Variants in RALY observed in about 807,000 individuals in gnomAD.
RALY encodes the protein RNA-binding protein Raly.
Under a neutral mutation model 30.7 loss-of-function variants are expected in RALY, and 15 were observed. That is an observed-to-expected ratio of 0.49 (90% CI 0.33 to 0.75). The LOEUF (loss-of-function observed/expected upper bound fraction) is 0.75, where lower values mean the gene tolerates loss of function less well. Ranked by LOEUF, RALY falls within the 30% of genes least tolerant of loss-of-function variation. The probability of loss-of-function intolerance (pLI) is 0.02; values close to 1 mark genes in which losing one functional copy is unlikely to be tolerated. For missense variants in RALY, 339 were observed against 414.3 expected (o/e 0.82, Z 1.58); for synonymous variants, 177 against 170.8 (o/e 1.04, Z -0.28).
chr20:33,997,169 G>T (rs2030676206), intron 1 of RALY, among the ~76,000 whole-genome samples: 1 of 152,128 alleles, frequency 6.6e-6, no homozygotes, highest in Non-Finnish European at 1.5e-5. Flanking sequence ...AGGCTGGATT[G>T]CGGTGGCACG....
intron 1 of RALY, among the ~76,000 whole-genome samples, chr20:34,025,782 C>T (rs2032001214): frequency 6.6e-6 from 1 of 152,016 alleles, no homozygotes; most frequent in Non-Finnish European, 1.5e-5. Flanking sequence ...TTCTCTTGTC[C>T]CAGACCGTTT....
intron 2 of RALY, among the ~76,000 whole-genome samples, chr20:34,045,476 T>C (rs1324401821): frequency 6.6e-6 from 1 of 151,904 alleles, no homozygotes; most frequent in East Asian, 1.9e-4. Context: ...GGAGATAAGG[T>C]TGGAGAGTGG....
chr20:34,071,581 G>A (rs970072899), intron 2 of RALY, among the ~76,000 whole-genome samples: 4 of 152,018 alleles, frequency 2.6e-5, no homozygotes, highest in African/African-American at 9.7e-5. Flanking sequence ...CCCGGCCCCT[G>A]CAATTTTCAT....
At chr20:34,001,721 G>A (rs893254326) in intron 1 of RALY, among the ~76,000 whole-genome samples, 4 of 152,056 alleles carry the variant, frequency 2.6e-5, no homozygotes, top group African/African-American at 7.2e-5. Context: ...CTAGATTTGG[G>A]TTTTTTTGGT....
chr20:34,032,775 A>G (rs994365015), intron 2 of RALY, among the ~76,000 whole-genome samples: 4 of 152,186 alleles, frequency 2.6e-5, no homozygotes, highest in African/African-American at 9.6e-5. Flanking sequence ...CAGTCTGACC[A>G]TAAATACCAT....
At chr20:34,072,940 G>A (rs2033770566) in intron 3 of RALY, among the ~76,000 whole-genome samples, 1 of 147,292 alleles carries the variant, frequency 6.8e-6, no homozygotes, top group Non-Finnish European at 1.5e-5. Context: ...GTGTGTGTGT[G>A]TGTGTGTGTG....
intron 1 of RALY, among the ~76,000 whole-genome samples, chr20:34,007,394 G>A (rs1409359744): frequency 2.0e-5 from 3 of 152,056 alleles, no homozygotes; most frequent in African/African-American, 4.8e-5. Flanking sequence ...GGTGGCGGGC[G>A]CCTGTAGTCC....
intron 2 of RALY, among the ~76,000 whole-genome samples, chr20:34,036,937 GTTTTA>G (rs984923845): frequency 1.3e-5 from 2 of 151,756 alleles, no homozygotes; most frequent in African/African-American, 4.8e-5. Context: ...ATTATTTTCT[GTTTTA>G]TTTATTTTGT....
chr20:34,029,481 G>GGAGGGAGGGAGGGAGGGAGGA (rs2032184860), intron 1 of RALY, among the ~76,000 whole-genome samples: 1 of 87,234 alleles, frequency 1.1e-5, no homozygotes, highest in South Asian at 4.2e-4. Flanking sequence ...GGGAGGAAAG[G>GGAGGGAGGGAGGGAGGGAGGA]GAGGGAGGGA....
intron 2 of RALY, among the ~76,000 whole-genome samples, chr20:34,047,159 A>G (rs1171606328): frequency 6.6e-6 from 1 of 152,106 alleles, no homozygotes; most frequent in Non-Finnish European, 1.5e-5. Context: ...CTAGAGCCCT[A>G]AAATTCAACA....
chr20:34,004,116 C>T (rs534463526), intron 1 of RALY, among the ~76,000 whole-genome samples: 31 of 152,200 alleles, frequency 2.0e-4, no homozygotes, highest in African/African-American at 7.2e-4. Context: ...TAGCAAGTAC[C>T]ATAAAGGGGT....
chr20:34,030,152 C>T (rs2123093062), intron 1 of RALY, among the ~76,000 whole-genome samples: 1 of 152,226 alleles, frequency 6.6e-6, no homozygotes, highest in South Asian at 2.1e-4. Flanking sequence ...TGTTTCCTGC[C>T]TTCTGTTTTT....
intron 1 of RALY, among the ~76,000 whole-genome samples, chr20:34,023,830 CTTTGGAGGGGA>C (rs2031920400): frequency 6.6e-6 from 1 of 151,448 alleles, no homozygotes; most frequent in Non-Finnish European, 1.5e-5. Flanking sequence ...TATAGAATAA[CTTTGGAGGGGA>C]CCTCAGTGTG....
Position 33,994,107 on chromosome 20 carries a change from G to A in RALY, c.-117G>A. 1 of 152,556 alleles carries A rather than the reference G, an allele frequency of 6.6e-6. No homozygotes were observed. Among genetic ancestry groups the A allele is most frequent in the Non-Finnish European group, 1.5e-5 (1 of 68,208 alleles). 9.5% of individuals were successfully genotyped at this position (152,556 alleles called of 1,614,324 possible). A position where few individuals can be genotyped will look rare whatever the true frequency, so the allele number is the denominator to read the frequency against. ...GTACCGCCTCCTTCCCAGCCGCGCGGCTTCCTCCAGACCTCTCGGCGCGGG... is the reference window on the plus strand; with the variant it reads ...GTACCGCCTCCTTCCCAGCCGCGCGACTTCCTCCAGACCTCTCGGCGCGGG... On this transcript the variant is annotated 5_prime_UTR_variant, in exon 1 of 10. Coordinates refer to ENST00000246194, the MANE Select transcript of RALY (RefSeq NM_016732.3).
intron 2 of RALY, among the ~76,000 whole-genome samples, chr20:34,054,826 A>AAG (rs1555806863): frequency 8.0e-4 from 122 of 151,902 alleles, no homozygotes; most frequent in Non-Finnish European, 1.6e-3. Flanking sequence ...AAAAAAAAAA[A>AAG]AAAGAAAGAA....
Position 33,993,991 on chromosome 20 carries a change from A to C in RALY, c.-233A>C, listed in dbSNP as rs1207367999. On this transcript the variant is annotated 5_prime_UTR_variant, in exon 1 of 10. Coordinates refer to ENST00000246194, the MANE Select transcript of RALY (RefSeq NM_016732.3). ...AGCTGAGGGGGCGGTAGCGGCGGCGACGGCGACGACGACGACTCCCGCGCG... is the reference window on the plus strand; with the variant it reads ...AGCTGAGGGGGCGGTAGCGGCGGCGCCGGCGACGACGACGACTCCCGCGCG... The C allele has an allele frequency of 1.3e-5, 2 of 151,508 alleles. No homozygotes were observed. The highest frequency in any genetic ancestry group is 2.9e-5 in the Non-Finnish European group (2 of 67,814). The allele number at this position is 151,508 out of a possible 1,614,324, so 9.4% of individuals were successfully genotyped here.
chr20:34,054,899 A>G (rs1358433685), intron 2 of RALY, among the ~76,000 whole-genome samples: 6 of 152,138 alleles, frequency 3.9e-5, no homozygotes, highest in Admixed American at 1.3e-4. Flanking sequence ...ACCTTACTCA[A>G]TGTTGAGTAT....
In RALY at chr20:34,080,100, A is replaced by G. The variant is rs1007170883; in HGVS notation, c.*195A>G. 1 of 152,538 alleles carries G rather than the reference A, an allele frequency of 6.6e-6. No individual in the cohort carries two copies. Among genetic ancestry groups the G allele is most frequent in the Non-Finnish European group, 1.5e-5 (1 of 68,310 alleles). 9.4% of individuals were successfully genotyped at this position (152,538 alleles called of 1,614,324 possible). ...GGAGTTACTGGCCTACTCCTTCCCC[A>G]TGAGCCCTCCCTGTCTGCACTGCCC... is the stretch of plus-strand genomic sequence containing the variant. On this transcript the variant is annotated 3_prime_UTR_variant, in exon 10 of 10. Coordinates refer to ENST00000246194, the MANE Select transcript of RALY (RefSeq NM_016732.3).
chr20:34,053,436 C>T (rs1319226024), intron 2 of RALY, among the ~76,000 whole-genome samples: 1 of 115,292 alleles, frequency 8.7e-6, no homozygotes, highest in African/African-American at 3.4e-5. Context: ...CTCGCTGTGT[C>T]ACCCAGGCTA....
Sources: gnomAD v4.1 joint callset for allele counts (sites outside exome capture counted in the v4.1 genomes callset) on GRCh38, gnomAD v4.1.1 for gene constraint, MANE v1.5 for transcripts, NCBI Gene and HGNC (gene_info 2026-07-23, HGNC 2026-07-21) for gene names.